EBF2: variants seen among roughly 807,000 people sequenced by gnomAD.
The protein encoded by EBF2 is EBF transcription factor 2.
EBF2 carries 21 observed loss-of-function variants against 72.8 expected under a neutral mutation model. The ratio of observed to expected loss-of-function variants is 0.29; its 90% CI spans 0.20 to 0.42. The LOEUF (loss-of-function observed/expected upper bound fraction) is 0.42, where lower values mean the gene tolerates loss of function less well. Ranked by LOEUF, EBF2 falls within the 10% of genes least tolerant of loss-of-function variation. The probability of loss-of-function intolerance (pLI) is 1.00; values close to 1 mark genes in which losing one functional copy is unlikely to be tolerated. For synonymous variants in EBF2, 299 were observed against 274.2 expected (o/e 1.09, Z -0.89); for missense variants, 637 against 731.2 (o/e 0.87, Z 1.49).
At chr8:25,933,922 T>C (rs2117148797) in intron 6 of EBF2, among the ~76,000 whole-genome samples, 1 of 152,340 alleles carries the variant, frequency 6.6e-6, no homozygotes, top group East Asian at 1.9e-4. Flanking sequence ...TATTTGTCCA[T>C]ATTTTCTAAA....
chr8:26,021,405 A>G (rs115935155), intron 6 of EBF2, among the ~76,000 whole-genome samples: 1 of 152,294 alleles, frequency 6.6e-6, no homozygotes, highest in African/African-American at 2.4e-5. Context: ...TCACTAAAAT[A>G]AAGGAGCCAT....
intron 6 of EBF2, among the ~76,000 whole-genome samples, chr8:26,011,359 T>C (rs1805018843): frequency 6.6e-6 from 1 of 152,194 alleles, no homozygotes; most frequent in Non-Finnish European, 1.5e-5. Context: ...ATTTTCTGTG[T>C]GGGGAATATG....
At chr8:26,043,013 G>A (rs1340668539) in intron 1 of EBF2, among the ~76,000 whole-genome samples, 5 of 152,246 alleles carry the variant, frequency 3.3e-5, no homozygotes, top group African/African-American at 1.2e-4. Flanking sequence ...AAGCCAAACT[G>A]TTAAAAGGCG....
At chr8:25,845,716 TGGCTTTCAGA>T (rs1449830044) in intron 15 of EBF2, among the ~76,000 whole-genome samples, 4 of 152,226 alleles carry the variant, frequency 2.6e-5, no homozygotes, top group African/African-American at 9.6e-5. Flanking sequence ...CCTCCTGCCT[TGGCTTTCAGA>T]GGATAAGCCC....
At chr8:25,867,086 G>C (rs1225171824) in intron 10 of EBF2, among the ~76,000 whole-genome samples, 1 of 152,098 alleles carries the variant, frequency 6.6e-6, no homozygotes, top group African/African-American at 2.4e-5. Flanking sequence ...ACTGGCACAA[G>C]GATTAAATCA....
intron 6 of EBF2, among the ~76,000 whole-genome samples, chr8:26,031,153 T>C (rs1460628563): frequency 6.6e-6 from 1 of 152,116 alleles, no homozygotes; most frequent in Non-Finnish European, 1.5e-5. Flanking sequence ...GTAACAGTCA[T>C]GAGGTTAGAG....
intron 10 of EBF2, among the ~76,000 whole-genome samples, chr8:25,872,150 G>T (rs1802449202): frequency 6.6e-6 from 1 of 152,142 alleles, no homozygotes; most frequent in African/African-American, 2.4e-5. Context: ...TGGAAAGGGG[G>T]CTCTTTGTTA....
intron 6 of EBF2, among the ~76,000 whole-genome samples, chr8:25,969,092 G>A (rs1804155170): frequency 6.6e-6 from 1 of 152,100 alleles, no homozygotes; most frequent in Admixed American, 6.5e-5. Context: ...GAGATTAATG[G>A]TAATTGATCT....
At chr8:26,034,318 A>G (rs1402039399) in intron 5 of EBF2, among the ~76,000 whole-genome samples, 1 of 152,198 alleles carries the variant, frequency 6.6e-6, no homozygotes, top group African/African-American at 2.4e-5. Flanking sequence ...TGAAACAGAA[A>G]TGGTATCCCA....
At chr8:25,979,796 C>A (rs905626857) in intron 6 of EBF2, among the ~76,000 whole-genome samples, 4 of 152,144 alleles carry the variant, frequency 2.6e-5, no homozygotes, top group Admixed American at 2.6e-4. Context: ...AAAATAAAAA[C>A]CCAGCTGAAA....
chr8:25,872,820 G>A (rs1380464855), intron 10 of EBF2, among the ~76,000 whole-genome samples: 1 of 152,210 alleles, frequency 6.6e-6, no homozygotes, highest in East Asian at 1.9e-4. Flanking sequence ...CTGCCACGTG[G>A]CTTTGGCCAA....
intron 6 of EBF2, among the ~76,000 whole-genome samples, chr8:25,937,903 TC>T (rs1005080304): frequency 6.6e-5 from 10 of 151,980 alleles, no homozygotes; most frequent in Admixed American, 5.9e-4. Context: ...AGCTGAGGGC[TC>T]CCCAAATTTT....
At chr8:25,971,856 G>T (rs2117189528) in intron 6 of EBF2, among the ~76,000 whole-genome samples, 1 of 152,316 alleles carries the variant, frequency 6.6e-6, no homozygotes, top group South Asian at 2.1e-4. Context: ...ACCCGTCTAG[G>T]GAGGCTGGTG....
intron 7 of EBF2, among the ~76,000 whole-genome samples, chr8:25,902,017 G>T (rs1802961550): frequency 1.3e-5 from 2 of 151,988 alleles, no homozygotes; most frequent in Non-Finnish European, 2.9e-5. Flanking sequence ...CAGTAATATT[G>T]GCTGGGTGCA....
chr8:25,906,626 G>A (rs1045363611), intron 7 of EBF2, among the ~76,000 whole-genome samples: 1 of 152,120 alleles, frequency 6.6e-6, no homozygotes, highest in Non-Finnish European at 1.5e-5. Flanking sequence ...AATTAGCCAG[G>A]CGTGGTGGCA....
At chr8:25,930,877 G>A (rs1413975210) in intron 6 of EBF2, among the ~76,000 whole-genome samples, 1 of 152,142 alleles carries the variant, frequency 6.6e-6, no homozygotes, top group Non-Finnish European at 1.5e-5. Flanking sequence ...ACTGAGGATT[G>A]GATTGAGTCT....
At position 25,903,840 on chromosome 8, in the gene EBF2, C is replaced by A. The variant is rs1802994243; in HGVS notation, c.633+4634G>T. 2.0e-5 allele frequency among the ~76,000 whole-genome samples: 3 copies of A among 152,312 alleles called. No homozygotes were observed. In the South Asian group the frequency reaches 6.2e-4, roughly 32 times the overall value. On this transcript the variant is annotated intron_variant, in intron 7 of 15. Transcript: ENST00000520164. ...AAAGAGGAGGGAATGAATCAGGGAA[C>A]AAGCAGTGAGTTCTGTTTTGAACAC...
intron 1 of EBF2, among the ~76,000 whole-genome samples, chr8:26,043,222 A>G (rs1179386389): frequency 6.6e-6 from 1 of 152,184 alleles, no homozygotes; most frequent in Non-Finnish European, 1.5e-5. Context: ...TTCACCGAAG[A>G]CTTGGGGCTG....
chr8:25,942,179 G>C (rs891052937), intron 6 of EBF2, among the ~76,000 whole-genome samples: 5 of 152,170 alleles, frequency 3.3e-5, no homozygotes, highest in African/African-American at 1.2e-4. Context: ...ACATGCAATG[G>C]TTCTCACATG....
Sources: allele counts gnomAD v4.1 joint callset (sites outside exome capture counted in the v4.1 genomes callset), GRCh38; gene constraint gnomAD v4.1.1; transcripts MANE v1.5; gene names NCBI Gene and HGNC (gene_info 2026-07-23, HGNC 2026-07-21).